The following CEP44 variants were observed in gnomAD, a reference collection of about 807,000 sequenced individuals.
CEP44 encodes centrosomal protein of 44 kDa.
In CEP44, 45 loss-of-function variants were observed where a neutral mutation model predicts 46.7. That is an observed-to-expected ratio of 0.96 (90% CI 0.76 to 1.24). The LOEUF (loss-of-function observed/expected upper bound fraction) is 1.24, where lower values mean the gene tolerates loss of function less well. Among genes scored for constraint, CEP44 ranks in the 50% most tolerant of loss-of-function variants. The pLI is 0.00. For missense variants in CEP44, 475 were observed against 459.7 expected, an observed-to-expected ratio of 1.03 and a Z score of -0.30; for synonymous variants, 142 against 146.0, an observed-to-expected ratio of 0.97 and a Z score of 0.20.
chr4:174,288,301 A>G lies in CEP44; in HGVS notation c.-148+4358A>G, dbSNP rs1021261129. Among the ~76,000 whole-genome samples, 2 of 152,184 alleles carry G rather than the reference A, an allele frequency of 1.3e-5. No individual in the cohort carries two copies. The highest frequency in any genetic ancestry group is 2.4e-5 in the African/African-American group (1 of 41,448). ...ACGTTTTGTGATAAGAGCACTTAAC[A>G]TTAGATCTAACTTCTTAGCAAAATT... On this transcript the variant is annotated intron_variant, in intron 1 of 11. Coordinates refer to ENST00000503780, the MANE Select transcript of CEP44 (RefSeq NM_001040157.3). The surrounding 1 kb of genome is among the most constrained non-coding windows in gnomAD (Gnocchi z 4.6).
chr4:174,300,994 C>A (rs1464091523), intron 3 of CEP44, among the ~76,000 whole-genome samples: 1 of 151,476 alleles, frequency 6.6e-6, no homozygotes, highest in Non-Finnish European at 1.5e-5. Flanking sequence ...TTCAGATAGA[C>A]AAGGTTGCCA....
rs58586936 is a variant in CEP44, at chr4:174,315,840, C to CA, written c.962-307dup. ...TGGGCGACAGAGCGAGACTCCGTCT[C>CA]AAAAAAAAAAAAAAAAAAAGAAAAG... On this transcript the variant is annotated intron_variant, in intron 9 of 11. Transcript: ENST00000503780. Among the ~76,000 whole-genome samples the CA allele has an allele frequency of 3.2e-3, 307 of 95,404 alleles. 3 individuals carry two copies. The highest frequency in any genetic ancestry group is 5.3e-3 in the Middle Eastern group (1 of 188). The allele number at this position is 95,404 out of a possible 152,430, so 62.6% of individuals were successfully genotyped here.
intron 1 of CEP44, among the ~76,000 whole-genome samples, chr4:174,284,915 T>C (rs1182557027): frequency 6.6e-6 from 1 of 152,242 alleles, no homozygotes; most frequent in East Asian, 1.9e-4. Context: ...GTGTAGTTGC[T>C]TCATTCTAAA....
chr4:174,303,736 T>G lies in CEP44; in HGVS notation c.271T>G (p.Leu91Val). The G allele has an allele frequency of 6.4e-7, 1 of 1,551,402 alleles. No individual in the cohort carries two copies. The highest frequency in any genetic ancestry group is 1.7e-5 in the Admixed American group (1 of 58,884). Residue 91 changes from leucine (L) to valine (V), a missense_variant, in exon 5 of 12, where the codon TTG (leucine) becomes GTG (valine). Physicochemically the swap from Leu to Val is conservative, Grantham distance 32. Transcript: ENST00000503780. The part of the protein sequence containing the change: ...LRDQFNYKPI[L>V]TKKQFIQCGF... ...TGATCAATTTAATTATAAACCAATT[T>G]TGACAAAAAAGCAGTTTATCCAATG... is the stretch of plus-strand genomic sequence containing the variant.
chr4:174,317,124 TACTTA>T lies in CEP44; in HGVS notation c.1125-205_1125-201del, dbSNP rs542696922. Among the ~76,000 whole-genome samples, 324 of 152,128 alleles carry T rather than the reference TACTTA, an allele frequency of 2.1e-3. 1 individual carries two copies. Among genetic ancestry groups the T allele is most frequent in the Middle Eastern group, 6.8e-3 (2 of 294 alleles). On this transcript the variant is annotated intron_variant, in intron 11 of 11. Transcript: ENST00000503780. Reference sequence around the variant, plus strand: ...TAATATTATTTAGAAATGCAAAAAGTACTTAACTTACACTTCAAGAATATGACTCA... The same window carrying T: ...TAATATTATTTAGAAATGCAAAAAGTACTTACACTTCAAGAATATGACTCA...
Position 174,314,667 on chromosome 4 carries a change from G to A in CEP44, c.962-1499G>A, listed in dbSNP as rs927632133. On this transcript the variant is annotated intron_variant, in intron 9 of 11. Coordinates refer to ENST00000503780, the MANE Select transcript of CEP44 (RefSeq NM_001040157.3). The surrounding 1 kb of genome is among the most constrained non-coding windows in gnomAD (Gnocchi z 4.1). ...CCCTCCTCTTTTTGGAAAGATGTCCGAAATGTTCAGGACAACTATCTGTAC... is the reference window on the plus strand; with the variant it reads ...CCCTCCTCTTTTTGGAAAGATGTCCAAAATGTTCAGGACAACTATCTGTAC... Among the ~76,000 whole-genome samples the A allele has an allele frequency of 8.5e-5, 13 of 152,252 alleles. No homozygotes were observed. The highest frequency in any genetic ancestry group is 6.5e-5 in the Admixed American group (1 of 15,284).
chr4:174,284,669 C>T (rs758960674), intron 1 of CEP44, among the ~76,000 whole-genome samples: 4 of 152,094 alleles, frequency 2.6e-5, no homozygotes, highest in Non-Finnish European at 5.9e-5. Context: ...ACAGCAGTCC[C>T]GTTGAACTCT....
In CEP44 at chr4:174,303,830, A is replaced by C. The variant is rs1363955420; in HGVS notation, c.365A>C (p.Glu122Ala). 2 of 1,563,352 alleles carry C rather than the reference A, an allele frequency of 1.3e-6. No individual in the cohort carries two copies. Among genetic ancestry groups the C allele is most frequent in the South Asian group, 1.2e-5 (1 of 84,666 alleles). ...ILNCVMKKHKELSSLQKIPSQ... is the reference protein window; with the variant it reads ...ILNCVMKKHKALSSLQKIPSQ... Reference sequence around the variant, plus strand: ...AATTGTGTGATGAAAAAGCACAAGGAATTAAGCAGTCTTCAGAAGGTAATT... The same window carrying C: ...AATTGTGTGATGAAAAAGCACAAGGCATTAAGCAGTCTTCAGAAGGTAATT... The change falls in exon 5 of 12, where the codon GAA (glutamate) becomes GCA (alanine). Residue 122 changes from glutamate (E) to alanine (A), a missense_variant. Physicochemically the swap from Glu to Ala is moderately radical, Grantham distance 107. Coordinates refer to ENST00000503780, the MANE Select transcript of CEP44 (RefSeq NM_001040157.3).
rs142326002 is a variant in CEP44 at position 174,284,742 on chromosome 4, C to G, written c.-148+799C>G. Among the ~76,000 whole-genome samples, 539 of 152,298 alleles carry G rather than the reference C, an allele frequency of 3.5e-3. 3 individuals carry two copies. The highest frequency in any genetic ancestry group is 0.017 in the Middle Eastern group (5 of 294). On this transcript the variant is annotated intron_variant, in intron 1 of 11. Transcript: ENST00000503780. ...TTCTCGATGCTTTGCCTTTCTCAGA[C>G]CTTTCTCCTATCTCTTAGAGAAGTA...
chr4:174,331,680 G>A lies in CEP44; in HGVS notation c.*85G>A. 1 of 1,466,628 alleles carries A rather than the reference G, an allele frequency of 6.8e-7. No individual in the cohort carries two copies. The highest frequency in any genetic ancestry group is 1.4e-5 in the South Asian group (1 of 70,882). The allele number at this position is 1,466,628 out of a possible 1,614,324, so 90.9% of individuals were successfully genotyped here. On this transcript the variant is annotated 3_prime_UTR_variant, in exon 9 of 9. Transcript: ENST00000426172. The surrounding 1 kb of genome is among the most constrained non-coding windows in gnomAD (Gnocchi z 4.5). ...GCTCATCCACGAAGTCCAGAATTCT[G>A]CCTGGAAACCAGCTTCCTCCTCAGC...
chr4:174,302,244 T>C (rs1739813786), intron 4 of CEP44, 58 bp downstream of exon 4: 1 of 1,115,130 alleles, frequency 9.0e-7, no homozygotes, highest in Non-Finnish European at 1.3e-6. Context: ...TAAAAATTAA[T>C]GATTTAGTCA....
chr4:174,295,865 T>C (rs573177263), intron 1 of CEP44, among the ~76,000 whole-genome samples: 1 of 152,266 alleles, frequency 6.6e-6, no homozygotes, highest in African/African-American at 2.4e-5. Flanking sequence ...TGAGGGACTT[T>C]CCCTCTATTC....
chr4:174,302,082 T>C lies in CEP44; in HGVS notation c.133T>C (p.Tyr45His). Residue 45 changes from tyrosine to histidine, a missense_variant, in exon 4 of 12, where the codon TAT (tyrosine) becomes CAT (histidine). Physicochemically the swap from Tyr to His is moderately conservative, Grantham distance 83 (BLOSUM62 2). Transcript: ENST00000503780. ...AGCAGCATCTTTGCCCATCATCAGC[T>C]ATTCTTTTACCTCATACTCACCTTA... ...DPAASLPIIS[Y>H]SFTSYSPYVT... 6.2e-7 allele frequency: 1 copy of C among 1,611,518 alleles called. No individual in the cohort carries two copies. The highest frequency in any genetic ancestry group is 8.5e-7 in the Non-Finnish European group (1 of 1,179,314).
chr4:174,304,441 T>A (rs1740148432), intron 6 of CEP44, 72 bp downstream of exon 6: 1 of 1,545,454 alleles, frequency 6.5e-7, no homozygotes, highest in South Asian at 1.3e-5. Context: ...GTTTTCACTT[T>A]TCTGATTGGC....
At chr4:174,324,294 T>C (rs539491714), downstream of CEP44, among the ~76,000 whole-genome samples, 15 of 152,282 alleles carry the variant, frequency 9.9e-5, no homozygotes, top group African/African-American at 3.6e-4. Flanking sequence ...TTTCATCAGT[T>C]GATGGACATT....
intron 11 of CEP44, 55 bp from the exon 12 acceptor site, chr4:174,317,280 C>T (rs868044228): frequency 2.8e-6 from 2 of 711,932 alleles, no homozygotes; most frequent in Admixed American, 3.4e-5. Context: ...AACTAAAATG[C>T]TATGCTTTAT....
rs1309191556 is a variant in CEP44 at position 174,290,031 on chromosome 4, T to A, written c.-148+6088T>A. 6.6e-6 allele frequency among the ~76,000 whole-genome samples: 1 copy of A among 152,044 alleles called. No individual in the cohort carries two copies. The highest frequency in any genetic ancestry group is 1.5e-5 in the Non-Finnish European group (1 of 67,992). ...CCACCATGCTCAGCTAATTTTTGTA[T>A]TTTTTGTAGAGATGGGGTTTCACCA... On this transcript the variant is annotated intron_variant, in intron 1 of 11. Transcript: ENST00000503780. The surrounding 1 kb of genome is among the most constrained non-coding windows in gnomAD (Gnocchi z 4.3).
At position 174,304,917 on chromosome 4, in the gene CEP44, T is replaced by G. The variant is rs758432889; in HGVS notation, c.507+548T>G. Among the ~76,000 whole-genome samples the G allele has an allele frequency of 9.9e-5, 15 of 152,240 alleles. 1 individual carries two copies. The highest frequency in any genetic ancestry group is 2.1e-4 in the Non-Finnish European group (14 of 68,030). ...AGCAGCTGTGGCAAATTGAATCTAA[T>G]GCACTTAGAGCTACAGTGTTTCTAT... On this transcript the variant is annotated intron_variant, in intron 6 of 11. Coordinates refer to ENST00000503780, the MANE Select transcript of CEP44 (RefSeq NM_001040157.3).
At chr4:174,328,505 A>G (rs747429966) in intron 8 of CEP44, among the ~76,000 whole-genome samples, 15 of 152,346 alleles carry the variant, frequency 9.8e-5, no homozygotes, top group Non-Finnish European at 2.1e-4. Flanking sequence ...GAGGAAGCCA[A>G]TATCTCGAAC....
Sources: gnomAD v4.1 joint callset for allele counts (sites outside exome capture counted in the v4.1 genomes callset) on GRCh38, gnomAD v4.1.1 for gene constraint, Gnocchi (gnomAD v3.1) non-coding constraint, MANE v1.5 for transcripts, NCBI Gene and HGNC (gene_info 2026-07-23, HGNC 2026-07-21) for gene names.